The following AGO1 variants were observed in gnomAD, a reference collection of about 807,000 sequenced individuals.
The protein encoded by AGO1 is protein argonaute-1.
In AGO1, 11 loss-of-function variants were observed where a neutral mutation model predicts 109.2. The ratio of observed to expected loss-of-function variants is 0.10; its 90% CI spans 0.06 to 0.17. AGO1 has a LOEUF of 0.17. AGO1 is among the 10% of genes least tolerant of loss of function. The pLI is 1.00. For missense variants in AGO1, 574 were observed against 1,140.3 expected (o/e 0.50, Z 7.15); for synonymous variants, 422 against 418.6 (o/e 1.01, Z -0.10).
chr1:35,898,543 T>C (rs919715864), intron 8 of AGO1, among the ~76,000 whole-genome samples: 4 of 152,168 alleles, frequency 2.6e-5, no homozygotes, highest in African/African-American at 9.7e-5. Context: ...GCGTGAGCCA[T>C]TGCACCTGGC....
intron 12 of AGO1, among the ~76,000 whole-genome samples, chr1:35,913,318 G>A (rs769942816): frequency 1.2e-4 from 19 of 152,056 alleles, no homozygotes; most frequent in African/African-American, 1.7e-4. Context: ...CGCGCCTGGC[G>A]TTCACCGGTC....
chr1:35,896,199 A>G (rs528865506), intron 8 of AGO1, among the ~76,000 whole-genome samples: 10 of 152,032 alleles, frequency 6.6e-5, no homozygotes, highest in South Asian at 4.1e-4. Flanking sequence ...GGGTTTCTCC[A>G]TGTTGGTCAG....
intron 12 of AGO1, among the ~76,000 whole-genome samples, chr1:35,910,191 C>A (rs1039709125): frequency 6.7e-6 from 1 of 148,980 alleles, no homozygotes; most frequent in South Asian, 2.1e-4. Context: ...TCAGATTCTT[C>A]TAAAGACCCT....
At chr1:35,902,430 A>G in intron 11 of AGO1, 93 bp downstream of exon 11, 2 of 1,501,428 alleles carry the variant, frequency 1.3e-6, no homozygotes, top group Non-Finnish European at 1.8e-6. Flanking sequence ...TTGATCAGTA[A>G]TGTGTTCTGT....
At position 35,924,415 on chromosome 1, in the gene AGO1, C is replaced by T. The variant is rs960444785; in HGVS notation, c.*4808C>T. 2 of 152,424 alleles carry T rather than the reference C, an allele frequency of 1.3e-5. No homozygotes were observed. Among genetic ancestry groups the T allele is most frequent in the African/African-American group, 4.8e-5 (2 of 41,430 alleles). 9.4% of individuals were successfully genotyped at this position (152,424 alleles called of 1,614,324 possible). A position where few individuals can be genotyped will look rare whatever the true frequency, so the allele number is the denominator to read the frequency against. On this transcript the variant is annotated 3_prime_UTR_variant, in exon 19 of 19. Coordinates refer to ENST00000373204, the MANE Select transcript of AGO1 (RefSeq NM_012199.5). The stretch of plus-strand genomic sequence containing the variant: ...TAGATTGTTATGCAGGAATACTTCA[C>T]AGAGCCTTCATTTATTCTTCATTCA...
At chr1:35,879,458 T>TA (rs1164295719), upstream of AGO1, among the ~76,000 whole-genome samples, 1 of 130,404 alleles carries the variant, frequency 7.7e-6, no homozygotes, top group African/African-American at 3.0e-5. Flanking sequence ...CAAAAAAAAA[T>TA]AAAAAAAAGT....
At position 35,888,297 on chromosome 1, in the gene AGO1, G is replaced by T. The variant is rs1283334456; in HGVS notation, c.26-130G>T. The T allele has an allele frequency of 2.3e-6, 2 of 876,864 alleles. No individual in the cohort carries two copies. Among genetic ancestry groups the T allele is most frequent in the African/African-American group, 3.4e-5 (2 of 58,952 alleles). The allele number at this position is 876,864 out of a possible 1,614,324, so 54.3% of individuals were successfully genotyped here. On this transcript the variant is annotated intron_variant, in intron 1 of 18. Coordinates refer to ENST00000373204, the MANE Select transcript of AGO1 (RefSeq NM_012199.5). The surrounding 1 kb of genome is among the most constrained non-coding windows in gnomAD (Gnocchi z 4.1). ...AGATGTCCCCTGGAAGCCCTTGGCT[G>T]GGTTGGGTAGCAGGAAAGAGGCATT... is the stretch of plus-strand genomic sequence containing the variant.
At chr1:35,878,031 G>C (rs960430967) in intron 1 of AGO1, among the ~76,000 whole-genome samples, 5 of 150,934 alleles carry the variant, frequency 3.3e-5, no homozygotes, top group African/African-American at 1.2e-4. Context: ...GATTTGGGGG[G>C]TTAAATATAT....
rs946964831 is a variant in AGO1 at position 35,928,762 on chromosome 1, G to A, written c.*9155G>A. ...AATTTTGTGAATTTATTAAAGCTCCGTTTGTTGCTTTTTTCTGTTCTAGTT... is the reference window on the plus strand; with the variant it reads ...AATTTTGTGAATTTATTAAAGCTCCATTTGTTGCTTTTTTCTGTTCTAGTT... On this transcript the variant is annotated 3_prime_UTR_variant, in exon 19 of 19. Transcript: ENST00000373204. The A allele has an allele frequency of 5.3e-5, 8 of 152,124 alleles. No individual in the cohort carries two copies. The highest frequency in any genetic ancestry group is 3.8e-4 in the East Asian group (2 of 5,198). The allele number at this position is 152,124 out of a possible 1,614,324, so 9.4% of individuals were successfully genotyped here.
At chr1:35,894,494 TTGA>T in intron 7 of AGO1, 92 bp downstream of exon 7, 11 of 1,284,960 alleles carry the variant, frequency 8.6e-6, no homozygotes, top group Non-Finnish European at 1.2e-5. Context: ...CCCACTGGCC[TTGA>T]GAATGAGCCT....
intron 12 of AGO1, 122 bp downstream of exon 12, chr1:35,907,241 A>T: frequency 1.1e-6 from 1 of 882,322 alleles, no homozygotes; most frequent in Non-Finnish European, 1.6e-6. Flanking sequence ...ACTTAATGTC[A>T]GTGCTCCTCT....
At chr1:35,915,725 T>C (rs956609662) in intron 15 of AGO1, among the ~76,000 whole-genome samples, 183 bp downstream of exon 15, 1 of 152,274 alleles carries the variant, frequency 6.6e-6, no homozygotes, top group Admixed American at 6.5e-5. Context: ...TGTAGATTTT[T>C]CTTCTCATAA....
At chr1:35,902,171 G>A (rs1172716340) in intron 10 of AGO1, 33 bp from the exon 11 acceptor site, 1 of 1,605,322 alleles carries the variant, frequency 6.2e-7, no homozygotes, top group Admixed American at 1.7e-5. Flanking sequence ...CTCTACTGAG[G>A]CTCACCTAGG....
At position 35,902,351 on chromosome 1, in the gene AGO1, G is replaced by A. The variant is rs368419271; in HGVS notation, c.1397+14G>A. The A allele has an allele frequency of 7.9e-5, 127 of 1,611,944 alleles. No homozygotes were observed. The highest frequency in any genetic ancestry group is 1.0e-4 in the Non-Finnish European group (122 of 1,178,916). On this transcript the variant is annotated intron_variant, in intron 11 of 18. Transcript: ENST00000373204. ...AGAGGTGCTCAAGTAAGGAGGGTTC[G>A]CTGTAGGGGTGGAAGGGTGGGAAGG... is the stretch of plus-strand genomic sequence containing the variant.
At chr1:35,887,390 C>T (rs149759315) in intron 1 of AGO1, among the ~76,000 whole-genome samples, 5 of 152,114 alleles carry the variant, frequency 3.3e-5, no homozygotes, top group African/African-American at 1.2e-4. Flanking sequence ...TTTTTTCTCT[C>T]TTCCCCCCAA....
At chr1:35,886,374 C>T (rs1275705781) in intron 1 of AGO1, among the ~76,000 whole-genome samples, 2 of 152,146 alleles carry the variant, frequency 1.3e-5, no homozygotes, top group Non-Finnish European at 2.9e-5. Flanking sequence ...TTCCTGCTTC[C>T]TGCTGTCTTT....
At chr1:35,914,317 G>A (rs201410723) in intron 14 of AGO1, 43 bp downstream of exon 14, 33 of 1,530,130 alleles carry the variant, frequency 2.2e-5, no homozygotes, top group Admixed American at 1.0e-4. Flanking sequence ...TCTCCTCTTC[G>A]CTCTGAGTCC....
chr1:35,893,212 A>G lies in AGO1; in HGVS notation c.446A>G (p.Gln149Arg). 1 of 1,614,170 alleles carries G rather than the reference A, an allele frequency of 6.2e-7. No individual in the cohort carries two copies. Among genetic ancestry groups the G allele is most frequent in the Non-Finnish European group, 8.5e-7 (1 of 1,180,024 alleles). ...CTGCATGAGGCCCTGGTCAGCGGCC[A>G]GATCCCTGTTCCCTTGGAGTCTGTG... ...RMLHEALVSG[Q>R]IPVPLESVQA... is the part of the protein sequence containing the mutation. Residue 149 changes from glutamine to arginine, a missense_variant, in exon 4 of 19, where the codon CAG becomes CGG. Around this residue, in one of 8 missense-constraint regions of AGO1, gnomAD observed 129 missense variants for 243.0 expected, o/e 0.53. Coordinates refer to ENST00000373204, the MANE Select transcript of AGO1 (RefSeq NM_012199.5). The surrounding 1 kb of genome is among the most constrained non-coding windows in gnomAD (Gnocchi z 5.6).
rs1323437773 is a variant in AGO1, at chr1:35,914,371, G to A, written c.1833+97G>A. ...TCCTTCCCTCAGCTCTGGCTCTTGA[G>A]CCTTCATAAGATGTCCATTTAGCTC... On this transcript the variant is annotated intron_variant, in intron 14 of 18. Transcript: ENST00000373204. 52 of 956,660 alleles carry A rather than the reference G, an allele frequency of 5.4e-5. 1 individual carries two copies. The East Asian group carries it at 1.3e-3, about 24-fold the overall frequency. The allele number at this position is 956,660 out of a possible 1,614,324, so 59.3% of individuals were successfully genotyped here. A position where few individuals can be genotyped will look rare whatever the true frequency, so the allele number is the denominator to read the frequency against.
Sources: gnomAD v4.1 joint callset for allele counts (sites outside exome capture counted in the v4.1 genomes callset) on GRCh38, gnomAD v4.1.1 for gene constraint, gnomAD v4.1.1 regional missense constraint, Gnocchi (gnomAD v3.1) non-coding constraint, MANE v1.5 for transcripts, NCBI Gene and HGNC (gene_info 2026-07-23, HGNC 2026-07-21) for gene names.